UBE2K: variants seen among roughly 807,000 people sequenced by gnomAD.
UBE2K encodes the protein ubiquitin-conjugating enzyme E2 K.
A neutral mutation model predicts 30.0 loss-of-function variants in UBE2K; 6 were observed. That is an observed-to-expected ratio of 0.20 (90% CI 0.11 to 0.39). The LOEUF is 0.39. UBE2K is among the 10% of genes least tolerant of loss of function. UBE2K has a pLI of 1.00. For synonymous variants in UBE2K, 86 were observed against 83.7 expected (o/e 1.03, Z -0.15); for missense variants, 61 against 241.6 (o/e 0.25, Z 4.96).
At chr4:39,705,055 TTTTGTTTTTG>T (rs1718264369) in intron 1 of UBE2K, among the ~76,000 whole-genome samples, 1 of 149,866 alleles carries the variant, frequency 6.7e-6, no homozygotes, top group African/African-American at 2.5e-5. Flanking sequence ...TTTTGTTTTT[TTTTGTTTTTG>T]TTTTTGTATT....
intron 3 of UBE2K, among the ~76,000 whole-genome samples, chr4:39,751,170 T>C (rs1182368705): frequency 1.3e-5 from 2 of 152,032 alleles, no homozygotes; most frequent in African/African-American, 4.8e-5. Context: ...CTCGAACTCC[T>C]GAGCTTAAGC....
chr4:39,752,268 T>G (rs1053089127), intron 3 of UBE2K, among the ~76,000 whole-genome samples: 1 of 151,064 alleles, frequency 6.6e-6, no homozygotes, highest in African/African-American at 2.4e-5. Context: ...TAGTTGGGAC[T>G]GCAGTAGCTG....
intron 1 of UBE2K, among the ~76,000 whole-genome samples, chr4:39,721,802 C>A (rs896950616): frequency 6.6e-6 from 1 of 152,116 alleles, no homozygotes; most frequent in Admixed American, 6.6e-5. Flanking sequence ...AAATAATATT[C>A]TTTTGGTTGG....
chr4:39,719,740 A>C (rs1475082934), intron 1 of UBE2K, among the ~76,000 whole-genome samples: 3 of 152,218 alleles, frequency 2.0e-5, no homozygotes, highest in Non-Finnish European at 4.4e-5. Context: ...GTTGCTTCTC[A>C]GCGAGCTGAT....
chr4:39,719,553 G>A (rs961742825), intron 1 of UBE2K, among the ~76,000 whole-genome samples: 6 of 152,182 alleles, frequency 3.9e-5, no homozygotes, highest in Admixed American at 6.5e-5. Context: ...GCAGGCTTCC[G>A]TTACTTTTAG....
Position 39,705,351 on chromosome 4 carries a change from C to T in UBE2K, c.63+6961C>T, listed in dbSNP as rs189465728. On this transcript the variant is annotated intron_variant, in intron 1 of 6. Coordinates refer to ENST00000261427, the MANE Select transcript of UBE2K (RefSeq NM_005339.5). ...TAGCTGGTATTACAGGCGCACCCCA[C>T]CACGCCCAGCTAATATTTTGTATTG... Among the ~76,000 whole-genome samples the T allele has an allele frequency of 2.8e-4, 42 of 150,102 alleles. 1 individual carries two copies. Among genetic ancestry groups the T allele is most frequent in the Admixed American group, 2.5e-3 (38 of 14,936 alleles).
intron 2 of UBE2K, among the ~76,000 whole-genome samples, chr4:39,744,936 AAATAAAT>A (rs1720910298): frequency 6.6e-6 from 1 of 150,420 alleles, no homozygotes; most frequent in Non-Finnish European, 1.5e-5. Flanking sequence ...TAAATAAAAT[AAATAAAT>A]AAATAAATAA....
intron 2 of UBE2K, among the ~76,000 whole-genome samples, chr4:39,742,318 C>T (rs1407572187): frequency 2.0e-5 from 3 of 151,600 alleles, no homozygotes; most frequent in African/African-American, 7.3e-5. Context: ...CTTCAGGTAC[C>T]CTTCTCTTAC....
chr4:39,714,087 A>G (rs1470080947), intron 1 of UBE2K: 2 of 152,164 alleles, frequency 1.3e-5, no homozygotes, highest in Non-Finnish European at 2.9e-5. Context: ...GAGGTCTCAC[A>G]CTACTTTTTG....
At chr4:39,722,448 A>G (rs536924103) in intron 1 of UBE2K, among the ~76,000 whole-genome samples, 198 of 152,324 alleles carry the variant, frequency 1.3e-3, no homozygotes, top group African/African-American at 4.4e-3. Context: ...GGGAACTACA[A>G]GATTTCTTTG....
chr4:39,746,297 C>T (rs1219222674), intron 3 of UBE2K, among the ~76,000 whole-genome samples: 1 of 152,086 alleles, frequency 6.6e-6, no homozygotes, highest in African/African-American at 2.4e-5. Flanking sequence ...CATGGAATTG[C>T]AACTGTGATA....
chr4:39,712,897 G>A (rs866366950), intron 1 of UBE2K, among the ~76,000 whole-genome samples: 1 of 147,038 alleles, frequency 6.8e-6, no homozygotes, highest in Non-Finnish European at 1.5e-5. Context: ...ACGGAGTCTC[G>A]CTTTGTCGCC....
rs1326745518 is a variant in UBE2K at position 39,718,877 on chromosome 4, G to T, written c.64-18543G>T. Among the ~76,000 whole-genome samples, 3 of 152,366 alleles carry T rather than the reference G, an allele frequency of 2.0e-5. No individual in the cohort carries two copies. The South Asian group carries it at 6.2e-4, about 32-fold the overall frequency. ...GTGCGCAGCCCCGGTTCCCACCCGT[G>T]CCTCTCCCTTCACACCTCCCTGCAG... On this transcript the variant is annotated intron_variant, in intron 1 of 6. Transcript: ENST00000261427.
At chr4:39,778,097 C>CA (rs36215155) in intron 6 of UBE2K, among the ~76,000 whole-genome samples, 1,198 of 51,740 alleles carry the variant, frequency 0.023, 66 homozygotes, top group Non-Finnish European at 0.031. Flanking sequence ...GACCCTGTCT[C>CA]AAAAAAAAAA....
At chr4:39,772,933 C>T (rs369773853) in intron 4 of UBE2K, among the ~76,000 whole-genome samples, 31 of 151,780 alleles carry the variant, frequency 2.0e-4, no homozygotes, top group East Asian at 1.8e-3. Flanking sequence ...GATGATTGCC[C>T]GCCCTGGCCT....
intron 1 of UBE2K, among the ~76,000 whole-genome samples, chr4:39,728,668 C>T (rs910621389): frequency 5.9e-5 from 9 of 151,446 alleles, no homozygotes; most frequent in African/African-American, 9.7e-5. Context: ...GACAGAGTCT[C>T]GCTCTGTCCC....
At chr4:39,705,230 C>G (rs1718278872) in intron 1 of UBE2K, among the ~76,000 whole-genome samples, 2 of 124,816 alleles carry the variant, frequency 1.6e-5, no homozygotes, top group African/African-American at 6.1e-5. Flanking sequence ...CAGAGTCTTG[C>G]TCTGTTGTCC....
intron 1 of UBE2K, among the ~76,000 whole-genome samples, chr4:39,716,066 C>T (rs1242905031): frequency 6.6e-6 from 1 of 152,154 alleles, no homozygotes; most frequent in East Asian, 1.9e-4. Flanking sequence ...AACTCTCCTC[C>T]TTTGGTTGCT....
intron 5 of UBE2K, 90 bp from the exon 6 acceptor site, chr4:39,777,592 G>T: frequency 1.6e-6 from 2 of 1,213,410 alleles, no homozygotes; most frequent in South Asian, 2.0e-5. Context: ...TGTTTTATTT[G>T]GAAAAGTAGG....
Sources: gnomAD v4.1 joint callset for allele counts (sites outside exome capture counted in the v4.1 genomes callset) on GRCh38, gnomAD v4.1.1 for gene constraint, MANE v1.5 for transcripts, NCBI Gene and HGNC (gene_info 2026-07-23, HGNC 2026-07-21) for gene names.